The following USP25 variants were observed in gnomAD, a reference collection of about 807,000 sequenced individuals.
USP25 encodes the protein ubiquitin carboxyl-terminal hydrolase 25.
Under a neutral mutation model 158.5 loss-of-function variants are expected in USP25, and 85 were observed. That is an observed-to-expected ratio of 0.54 (90% CI 0.45 to 0.64). The LOEUF (loss-of-function observed/expected upper bound fraction) is 0.64. Ranked by LOEUF, USP25 falls within the 30% of genes least tolerant of loss-of-function variation. The pLI is 0.00. For synonymous variants in USP25, 464 were observed against 460.4 expected, an observed-to-expected ratio of 1.01 and a Z score of -0.10; for missense variants, 1,242 against 1,327.3, an observed-to-expected ratio of 0.94 and a Z score of 1.00.
chr21:15,760,266 G>A (rs1365244862), intron 1 of USP25, among the ~76,000 whole-genome samples: 2 of 152,212 alleles, frequency 1.3e-5, no homozygotes, highest in African/African-American at 4.8e-5. Context: ...ATTCATTTGG[G>A]AGACACCTTT....
intron 20 of USP25, among the ~76,000 whole-genome samples, chr21:15,860,769 G>T (rs1199654705): frequency 6.6e-6 from 1 of 151,976 alleles, no homozygotes; most frequent in African/African-American, 2.4e-5. Context: ...TTATTTTAGA[G>T]ATAAGAGCAA....
chr21:15,734,063 TTTAGA>T (rs1167163825), intron 1 of USP25, among the ~76,000 whole-genome samples: 1 of 152,220 alleles, frequency 6.6e-6, no homozygotes, highest in Non-Finnish European at 1.5e-5. Context: ...TAGCAACTTC[TTTAGA>T]TTAGATTGTT....
intron 9 of USP25, among the ~76,000 whole-genome samples, chr21:15,811,479 G>T (rs945254171): frequency 2.6e-5 from 4 of 152,084 alleles, no homozygotes; most frequent in Admixed American, 1.3e-4. Context: ...ATACAATTAT[G>T]TTGGAATACA....
chr21:15,843,842 C>A lies in USP25; in HGVS notation c.2337+1302C>A, dbSNP rs1451193812. 6.6e-6 allele frequency among the ~76,000 whole-genome samples: 1 copy of A among 152,054 alleles called. No homozygotes were observed. The highest frequency in any genetic ancestry group is 2.4e-5 in the African/African-American group (1 of 41,420). ...ATTAGAACTTTTATTTGTTAAAGGC[C>A]TAAATTATGATTAATGAGTGTCACT... On this transcript the variant is annotated intron_variant, in intron 18 of 25. Transcript: ENST00000400183. The surrounding 1 kb of genome is among the most constrained non-coding windows in gnomAD (Gnocchi z 4.0).
At chr21:15,781,539 A>G (rs1832868772) in intron 4 of USP25, among the ~76,000 whole-genome samples, 1 of 152,154 alleles carries the variant, frequency 6.6e-6, no homozygotes, top group South Asian at 2.1e-4. Flanking sequence ...GAACCAAAAC[A>G]ACGAATAAGT....
intron 24 of USP25, chr21:15,876,304 G>A (rs2040096190): frequency 6.6e-6 from 1 of 152,014 alleles, no homozygotes; most frequent in Non-Finnish European, 1.5e-5. Context: ...AACCCCTATG[G>A]TTGGAAGATA....
intron 3 of USP25, among the ~76,000 whole-genome samples, chr21:15,775,716 A>C: frequency 6.8e-6 from 1 of 146,506 alleles, no homozygotes; most frequent in Non-Finnish European, 1.5e-5. Flanking sequence ...AAAACAGCCA[A>C]AGGCAACAGG....
At chr21:15,771,832 A>G (rs1459096675) in intron 3 of USP25, among the ~76,000 whole-genome samples, 1 of 151,310 alleles carries the variant, frequency 6.6e-6, no homozygotes, top group Non-Finnish European at 1.5e-5. Context: ...ACTCTTCACT[A>G]CCCAGTTTTT....
intron 6 of USP25, 26 bp downstream of exon 6, chr21:15,799,869 C>T (rs2146250261): frequency 6.5e-7 from 1 of 1,541,850 alleles, no homozygotes. Context: ...TTTTTTTAAG[C>T]AGTATATATA....
intron 20 of USP25, among the ~76,000 whole-genome samples, chr21:15,859,969 G>GTGTGTGTA (rs1464163096): frequency 1.4e-5 from 2 of 138,480 alleles, no homozygotes; most frequent in Admixed American, 7.3e-5. Flanking sequence ...ATATATATAT[G>GTGTGTGTA]TATATATATA....
At position 15,824,992 on chromosome 21, in the gene USP25, C is replaced by T. The variant is rs200011091; in HGVS notation, c.1235C>T (p.Thr412Ile). The T allele has an allele frequency of 1.7e-5, 27 of 1,610,866 alleles. No individual in the cohort carries two copies. Among genetic ancestry groups the T allele is most frequent in the Non-Finnish European group, 2.1e-5 (25 of 1,178,624 alleles). ...DRYMHRNREI[T>I]RIKREEIKRL... is the part of the protein sequence containing the mutation. ...TACATGCACAGAAACAGAGAAATAA[C>T]AAGAATTAAGAGGGAAGAGATCAAG... The change falls in exon 12 of 26, where the codon ACA becomes ATA. Residue 412 changes from threonine to isoleucine, a missense_variant. By Grantham distance (89) the Thr-to-Ile change is moderately conservative. Around this residue, in one of 3 missense-constraint regions of USP25, gnomAD observed 627 missense variants for 701.4 expected, o/e 0.89. Coordinates refer to ENST00000400183, the MANE Select transcript of USP25 (RefSeq NM_001283041.3).
At chr21:15,819,691 A>G (rs1371725367) in intron 10 of USP25, among the ~76,000 whole-genome samples, 4 of 152,168 alleles carry the variant, frequency 2.6e-5, no homozygotes, top group African/African-American at 9.6e-5. Flanking sequence ...TATACTGAAT[A>G]GGTGCTTAAT....
rs369246881 is a variant in USP25, at chr21:15,877,959, G to A, written c.3173G>A (p.Arg1058Gln). 70 of 1,612,726 alleles carry A rather than the reference G, an allele frequency of 4.3e-5. No homozygotes were observed. The highest frequency in any genetic ancestry group is 1.6e-4 in the Middle Eastern group (1 of 6,080). The change falls in exon 25 of 26, where the codon CGA becomes CAA. Residue 1058 changes from arginine (R) to glutamine (Q), a missense_variant. Arg to Gln is a conservative substitution (Grantham distance 43, BLOSUM62 1). Transcript: ENST00000400183. The stretch of plus-strand genomic sequence containing the variant: ...CTAGCTGTAGAAGATATGAGAAATC[G>A]ATGGTGTTCCTACCTTGGTCAAGAA... ...DILAVEDMRNRWCSYLGQEME... is the reference protein window; with the variant it reads ...DILAVEDMRNQWCSYLGQEME...
chr21:15,864,539 T>A, intron 21 of USP25, 93 bp downstream of exon 21: 1 of 1,137,490 alleles, frequency 8.8e-7, no homozygotes, highest in Non-Finnish European at 1.2e-6. Flanking sequence ...TTATTTTATA[T>A]ATGCATGGGC....
intron 20 of USP25, among the ~76,000 whole-genome samples, chr21:15,863,762 GCA>G (rs1281567164): frequency 1.3e-5 from 2 of 150,856 alleles, no homozygotes; most frequent in African/African-American, 2.4e-5. Context: ...TTGTGGCCAG[GCA>G]CGTGGCTCAC....
intron 1 of USP25, among the ~76,000 whole-genome samples, chr21:15,736,914 C>CTTTT (rs76186194): frequency 8.0e-6 from 1 of 125,472 alleles, no homozygotes; most frequent in Non-Finnish European, 1.7e-5. Context: ...TGCCACTCTG[C>CTTTT]TTTTTTTTTT....
intron 10 of USP25, among the ~76,000 whole-genome samples, chr21:15,822,355 A>G (rs2037278076): frequency 6.6e-6 from 1 of 151,972 alleles, no homozygotes; most frequent in African/African-American, 2.4e-5. Flanking sequence ...CTGATAGAGG[A>G]AAATGCATTC....
intron 20 of USP25, among the ~76,000 whole-genome samples, chr21:15,859,041 G>A (rs2039291693): frequency 2.6e-5 from 4 of 150,960 alleles, no homozygotes; most frequent in Admixed American, 2.6e-4. Flanking sequence ...ACCAAAAGTG[G>A]GTGTGGGTGT....
chr21:15,795,616 C>G (rs568167283), intron 5 of USP25, among the ~76,000 whole-genome samples: 3 of 151,544 alleles, frequency 2.0e-5, no homozygotes, highest in African/African-American at 7.2e-5. Flanking sequence ...CATGTTTTTA[C>G]TTAATCTTGC....
Sources: allele counts gnomAD v4.1 joint callset (sites outside exome capture counted in the v4.1 genomes callset), GRCh38; gene constraint gnomAD v4.1.1; regional missense constraint gnomAD v4.1.1; non-coding constraint Gnocchi (gnomAD v3.1); transcripts MANE v1.5; gene names NCBI Gene and HGNC (gene_info 2026-07-23, HGNC 2026-07-21).